Variants in MCTP1 observed in about 807,000 individuals in gnomAD.
MCTP1 encodes the protein multiple C2 and transmembrane domain containing 1.
Under a neutral mutation model 120.6 loss-of-function variants are expected in MCTP1, and 69 were observed. That is an observed-to-expected ratio of 0.57 (90% confidence interval 0.47 to 0.70). The LOEUF is 0.70. Ranked by LOEUF, MCTP1 falls within the 30% of genes least tolerant of loss-of-function variation. The pLI is 0.00. For synonymous variants in MCTP1, 529 were observed against 493.1 expected (o/e 1.07, Z -0.96); for missense variants, 1,203 against 1,248.8 (o/e 0.96, Z 0.55).
chr5:95,069,858 C>T (rs926158322), intron 1 of MCTP1, among the ~76,000 whole-genome samples: 5 of 151,986 alleles, frequency 3.3e-5, no homozygotes, highest in African/African-American at 1.2e-4. Context: ...ACTACCACGC[C>T]CGGCTATTTT....
At chr5:94,835,350 C>T (rs1035654675) in intron 17 of MCTP1, among the ~76,000 whole-genome samples, 2 of 152,104 alleles carry the variant, frequency 1.3e-5, no homozygotes, top group African/African-American at 2.4e-5. Flanking sequence ...AAAGTAGATA[C>T]GAGTTTCAAC....
At chr5:95,073,250 C>A (rs1369495805) in intron 1 of MCTP1, among the ~76,000 whole-genome samples, 4 of 152,180 alleles carry the variant, frequency 2.6e-5, no homozygotes, top group Non-Finnish European at 5.9e-5. Context: ...CATTGTGGCA[C>A]TTGCCAAAGC....
chr5:95,043,356 T>C lies in MCTP1; in HGVS notation c.721-25872A>G, dbSNP rs142545390. 2.3e-3 allele frequency among the ~76,000 whole-genome samples: 344 copies of C among 152,282 alleles called. 2 individuals carry two copies. Among genetic ancestry groups the C allele is most frequent in the African/African-American group, 7.5e-3 (313 of 41,558 alleles). ...CACTGATCCTCTCATATGTTAACCC[T>C]TACTAAGCAGTACTTCCCACTAAGA... On this transcript the variant is annotated intron_variant, in intron 1 of 22. Transcript: ENST00000515393.
chr5:94,763,614 G>A (rs1012831733), intron 19 of MCTP1, among the ~76,000 whole-genome samples: 5 of 152,098 alleles, frequency 3.3e-5, no homozygotes, highest in African/African-American at 1.2e-4. Flanking sequence ...CCTAACCAAG[G>A]ATCCCATCAC....
intron 2 of MCTP1, among the ~76,000 whole-genome samples, chr5:95,011,135 C>T (rs1383890585): frequency 1.3e-5 from 2 of 152,096 alleles, no homozygotes; most frequent in African/African-American, 2.4e-5. Context: ...CTATTTTTCT[C>T]TTTGTAATTC....
intron 1 of MCTP1, among the ~76,000 whole-genome samples, chr5:95,182,739 G>A (rs570221475): frequency 1.3e-5 from 2 of 152,072 alleles, no homozygotes; most frequent in South Asian, 4.2e-4. Context: ...TAAAAAAAAT[G>A]GGGGGGACTC....
At chr5:95,184,203 C>T (rs1358280216) in intron 1 of MCTP1, among the ~76,000 whole-genome samples, 2 of 152,006 alleles carry the variant, frequency 1.3e-5, no homozygotes, top group African/African-American at 4.8e-5. Context: ...TGAAGTTTAA[C>T]ATCTACTGAC....
intron 7 of MCTP1, among the ~76,000 whole-genome samples, chr5:94,923,091 C>A (rs1812119395): frequency 6.7e-6 from 1 of 149,112 alleles, no homozygotes. Flanking sequence ...CAATACATGA[C>A]TTAATCTGGT....
At chr5:94,911,340 G>A (rs1172933853) in intron 9 of MCTP1, among the ~76,000 whole-genome samples, 1 of 152,112 alleles carries the variant, frequency 6.6e-6, no homozygotes, top group African/African-American at 2.4e-5. Context: ...AGATGATATG[G>A]TTTGGCTCTG....
In MCTP1 at chr5:95,283,888, G is replaced by C. The variant is rs1347220081; in HGVS notation, c.688C>G (p.Pro230Ala). ...PARSPAESRA[P>A]ETGEEHGSSQ... is the part of the protein sequence containing the mutation. ...CTGCCGTGCTCCTCGCCCGTCTCCG[G>C]GGCCCGAGACTCCGCGGGACTCCGC... The change falls in exon 1 of 23, where the codon CCG becomes GCG. Residue 230 changes from proline (P) to alanine (A), a missense_variant. This residue lies in a region of MCTP1 where 463 missense variants were observed against 377.8 expected (regional missense o/e 1.23). Transcript: ENST00000515393. 1 of 1,378,794 alleles carries C rather than the reference G, an allele frequency of 7.3e-7. No homozygotes were observed. The highest frequency in any genetic ancestry group is 9.3e-7 in the Non-Finnish European group (1 of 1,075,620). The allele number at this position is 1,378,794 out of a possible 1,614,324, so 85.4% of individuals were successfully genotyped here.
intron 1 of MCTP1, among the ~76,000 whole-genome samples, chr5:95,096,479 C>T (rs1475894017): frequency 1.3e-5 from 2 of 151,982 alleles, no homozygotes; most frequent in Non-Finnish European, 1.5e-5. Context: ...CTACCTTCTA[C>T]TTGGCTGAGT....
chr5:95,186,292 C>T (rs1460349006), intron 1 of MCTP1, among the ~76,000 whole-genome samples: 1 of 147,928 alleles, frequency 6.8e-6, no homozygotes, highest in Admixed American at 6.7e-5. Flanking sequence ...AAAAAAAAAA[C>T]TCCCAGACCT....
chr5:95,087,064 G>A (rs572358380), intron 1 of MCTP1, among the ~76,000 whole-genome samples: 1 of 152,284 alleles, frequency 6.6e-6, no homozygotes, highest in Non-Finnish European at 1.5e-5. Flanking sequence ...GGACGAAAGG[G>A]CTCCTGATCT....
chr5:94,844,030 C>T (rs1378712439), intron 17 of MCTP1, among the ~76,000 whole-genome samples: 3 of 152,186 alleles, frequency 2.0e-5, no homozygotes, highest in African/African-American at 4.8e-5. Flanking sequence ...TGGCCGGGTG[C>T]GGTGGCTCAT....
chr5:94,977,321 A>G lies in MCTP1; in HGVS notation c.839-23960T>C, dbSNP rs981908747. On this transcript the variant is annotated intron_variant, in intron 2 of 22. Transcript: ENST00000515393. ...AAAATGTTAATGAAAGAAATTAAAG[A>G]AGACACTAATAAATGAAAAGTCATC... Among the ~76,000 whole-genome samples, 3 of 152,134 alleles carry G rather than the reference A, an allele frequency of 2.0e-5. No homozygotes were observed. In the East Asian group the frequency reaches 5.8e-4, roughly 29 times the overall value.
intron 5 of MCTP1, among the ~76,000 whole-genome samples, chr5:94,937,240 T>C (rs1462746658): frequency 1.3e-5 from 2 of 152,042 alleles, no homozygotes; most frequent in African/African-American, 4.8e-5. Context: ...TCTGGAACTT[T>C]GAAAGAAGAG....
At chr5:94,973,062 G>C (rs530392347) in intron 2 of MCTP1, among the ~76,000 whole-genome samples, 76 of 152,242 alleles carry the variant, frequency 5.0e-4, no homozygotes, top group African/African-American at 1.8e-3. Context: ...GGTTAAACTA[G>C]CACAAAGGAG....
At chr5:94,943,818 T>A (rs1168149424) in intron 3 of MCTP1, among the ~76,000 whole-genome samples, 1 of 152,006 alleles carries the variant, frequency 6.6e-6, no homozygotes, top group Non-Finnish European at 1.5e-5. Flanking sequence ...AATTTAGAGC[T>A]GTCACTTCCT....
At chr5:94,824,772 G>A (rs1292589639) in intron 17 of MCTP1, among the ~76,000 whole-genome samples, 1 of 152,160 alleles carries the variant, frequency 6.6e-6, no homozygotes, top group Non-Finnish European at 1.5e-5. Context: ...TTGGGAGGGT[G>A]TATGTGTCCA....
Sources: allele counts gnomAD v4.1 joint callset (sites outside exome capture counted in the v4.1 genomes callset), GRCh38; gene constraint gnomAD v4.1.1; regional missense constraint gnomAD v4.1.1; transcripts MANE v1.5; gene names NCBI Gene and HGNC (gene_info 2026-07-23, HGNC 2026-07-21).